Variants in DIAPH2 observed in about 807,000 individuals in gnomAD.
DIAPH2 encodes the protein protein diaphanous homolog 2.
A neutral mutation model predicts 92.7 loss-of-function variants in DIAPH2; 35 were observed. The observed-to-expected ratio is 0.38, with a 90% CI of 0.29 to 0.50. The LOEUF is 0.50. DIAPH2 is among the 20% of genes least tolerant of loss of function. DIAPH2 has a pLI of 0.94. For synonymous variants in DIAPH2, 301 were observed against 280.4 expected, an observed-to-expected ratio of 1.07 and a Z score of -0.73; for missense variants, 701 against 819.5, an observed-to-expected ratio of 0.86 and a Z score of 1.77.
intron 1 of DIAPH2, among the ~76,000 whole-genome samples, chrX:96,715,780 CT>C (rs1440579334): frequency 9.0e-6 from 1 of 111,644 alleles, no homozygotes; most frequent in African/African-American, 3.2e-5. Context: ...GAGGGAGTGA[CT>C]GCTACCCAGT....
Position 97,421,952 on chromosome X carries a change from G to A in DIAPH2, c.3146-7698G>A, listed in dbSNP as rs182695976. ...ATACCATCCATATTTTATTTCAGGT[G>A]GCTATGCTGATTCAAAGTGGCCTCA... On this transcript the variant is annotated intron_variant, in intron 25 of 26. Coordinates refer to ENST00000324765, the MANE Select transcript of DIAPH2 (RefSeq NM_006729.5). Among the ~76,000 whole-genome samples the A allele has an allele frequency of 1.2e-3, 129 of 111,526 alleles. No homozygotes were observed. The Middle Eastern group carries it at 0.014, about 12-fold the overall frequency.
intron 4 of DIAPH2, among the ~76,000 whole-genome samples, chrX:96,828,668 G>A (rs1024805931): frequency 8.9e-6 from 1 of 111,980 alleles, no homozygotes; most frequent in Admixed American, 9.5e-5. Context: ...TCACAAAAGA[G>A]TTTAGAAAGT....
intron 26 of DIAPH2, among the ~76,000 whole-genome samples, chrX:97,483,628 C>T (rs1406971523): frequency 8.9e-6 from 1 of 112,081 alleles, no homozygotes. Flanking sequence ...TTACCTTTCT[C>T]TCTTTTCTTC....
chrX:97,244,209 T>G (rs1237876481), intron 22 of DIAPH2, among the ~76,000 whole-genome samples: 1 of 111,959 alleles, frequency 8.9e-6, no homozygotes, highest in Non-Finnish European at 1.9e-5. Context: ...CAGAAAAATA[T>G]TGATTTATTC....
At chrX:96,977,998 A>G (rs2065972676) in intron 17 of DIAPH2, among the ~76,000 whole-genome samples, 1 of 112,185 alleles carries the variant, frequency 8.9e-6, no homozygotes, top group African/African-American at 3.2e-5. Flanking sequence ...GATTAGTTTT[A>G]TATTGGCAAA....
chrX:96,884,895 G>A (rs1229822685), intron 5 of DIAPH2: 3 of 1,211,179 alleles, frequency 2.5e-6, no homozygotes, highest in South Asian at 1.8e-5. Flanking sequence ...ATAACGATGA[G>A]AGTCACCGCA....
chrX:97,473,015 A>G (rs716621), intron 26 of DIAPH2, among the ~76,000 whole-genome samples: 43,495 of 110,873 alleles, frequency 0.39, 6,090 homozygotes, highest in East Asian at 0.57. Flanking sequence ...TCCTGGTACA[A>G]CTAGTTGCTA....
At position 97,200,868 on chromosome X, in the gene DIAPH2, C is replaced by T. The variant is rs1013076173; in HGVS notation, c.2720-46847C>T. 4.5e-5 allele frequency among the ~76,000 whole-genome samples: 5 copies of T among 111,862 alleles called. No homozygotes were observed. The Admixed American group carries it at 4.7e-4, about 11-fold the overall frequency. ...AGGTGGGTCCATGACCCCCATGCCT[C>T]CTGACTGGGAGAGACCTCCCAACAG... is the stretch of plus-strand genomic sequence containing the variant. On this transcript the variant is annotated intron_variant, in intron 22 of 26. Coordinates refer to ENST00000324765, the MANE Select transcript of DIAPH2 (RefSeq NM_006729.5).
intron 22 of DIAPH2, among the ~76,000 whole-genome samples, chrX:97,226,266 G>A (rs920316022): frequency 2.7e-5 from 3 of 111,773 alleles, no homozygotes; most frequent in African/African-American, 9.7e-5. Flanking sequence ...AAATAAATAC[G>A]GCATTAGGAA....
intron 10 of DIAPH2, among the ~76,000 whole-genome samples, chrX:96,932,287 T>G (rs2065624386): frequency 9.0e-6 from 1 of 111,265 alleles, no homozygotes; most frequent in Non-Finnish European, 1.9e-5. Flanking sequence ...TGCTCTTACT[T>G]TTCTCTCTTT....
intron 23 of DIAPH2, among the ~76,000 whole-genome samples, chrX:97,316,215 T>C (rs1028988898): frequency 1.5e-4 from 17 of 111,062 alleles, no homozygotes; most frequent in African/African-American, 5.6e-4. Flanking sequence ...GTAAATAATA[T>C]CATTTCCTAA....
At position 96,899,179 on chromosome X, in the gene DIAPH2, C is replaced by G. The variant is rs764559412; in HGVS notation, c.588-13149C>G. Among the ~76,000 whole-genome samples, 736 of 108,489 alleles carry G rather than the reference C, an allele frequency of 6.8e-3. 7 individuals carry two copies. The highest frequency in any genetic ancestry group is 0.024 in the African/African-American group (715 of 30,209). The allele number at this position is 108,489 out of a possible 115,157, so 94.2% of individuals were successfully genotyped here. A position where few individuals can be genotyped will look rare whatever the true frequency, so the allele number is the denominator to read the frequency against. On this transcript the variant is annotated intron_variant, in intron 5 of 26. Coordinates refer to ENST00000324765, the MANE Select transcript of DIAPH2 (RefSeq NM_006729.5). ...GTAGCGTGATGCCTCCAGCTTTGTT[C>G]TTTTGGCTTAGGATTGACTTGGCGA... is the stretch of plus-strand genomic sequence containing the variant.
At chrX:96,726,489 A>C (rs185360616) in intron 1 of DIAPH2, among the ~76,000 whole-genome samples, 133 of 112,133 alleles carry the variant, frequency 1.2e-3, no homozygotes, top group Non-Finnish European at 2.0e-3. Context: ...AGCTGAGAGC[A>C]GAACAGTTGA....
intron 22 of DIAPH2, among the ~76,000 whole-genome samples, chrX:97,186,075 TA>T (rs2067602401): frequency 9.0e-6 from 1 of 111,128 alleles, no homozygotes; most frequent in Admixed American, 9.6e-5. Context: ...ATAAATGATT[TA>T]AAAAAAACTA....
At chrX:97,344,736 T>C (rs1225550707) in intron 23 of DIAPH2, among the ~76,000 whole-genome samples, 5 of 112,309 alleles carry the variant, frequency 4.5e-5, no homozygotes, top group African/African-American at 1.6e-4. Context: ...GTTTTTGTTC[T>C]ATAAGAACAA....
chrX:96,845,529 T>A (rs1250585525), intron 4 of DIAPH2, among the ~76,000 whole-genome samples: 1 of 112,123 alleles, frequency 8.9e-6, no homozygotes, highest in Non-Finnish European at 1.9e-5. Flanking sequence ...TTTTAGTGAA[T>A]GAGACAATTC....
At chrX:96,767,519 A>G (rs1569388950) in intron 4 of DIAPH2, among the ~76,000 whole-genome samples, 1 of 112,315 alleles carries the variant, frequency 8.9e-6, no homozygotes, top group Non-Finnish European at 1.9e-5. Flanking sequence ...AGAATCTTGC[A>G]AATAGTAGGT....
intron 17 of DIAPH2, among the ~76,000 whole-genome samples, chrX:96,991,708 C>T (rs762466255): frequency 9.1e-6 from 1 of 110,324 alleles, no homozygotes; most frequent in South Asian, 3.9e-4. Context: ...AAGAGGTTTG[C>T]CGTTTAATCT....
At chrX:97,253,778 A>G (rs1032200662) in intron 23 of DIAPH2, among the ~76,000 whole-genome samples, 1 of 111,301 alleles carries the variant, frequency 9.0e-6, no homozygotes, top group Non-Finnish European at 1.9e-5. Flanking sequence ...ATAATAAAAA[A>G]AACAGTAATA....
Sources: allele counts gnomAD v4.1 joint callset (sites outside exome capture counted in the v4.1 genomes callset), GRCh38; gene constraint gnomAD v4.1.1; transcripts MANE v1.5; gene names NCBI Gene and HGNC (gene_info 2026-07-23, HGNC 2026-07-21).